Variants in CEP78 observed in about 807,000 individuals in gnomAD.
CEP78 encodes centrosomal protein 78, also known as centrosomal protein of 78 kDa.
In CEP78, 76 loss-of-function variants were observed where a neutral mutation model predicts 81.2. That is an observed-to-expected ratio of 0.94 (90% confidence interval 0.78 to 1.13). The LOEUF (loss-of-function observed/expected upper bound fraction) is 1.13, where lower values mean the gene tolerates loss of function less well. CEP78 is among the 50% of genes most tolerant of loss of function. CEP78 has a pLI of 0.00. For missense variants in CEP78, 918 were observed against 846.8 expected (o/e 1.08, Z -1.04); for synonymous variants, 293 against 301.4 (o/e 0.97, Z 0.29).
chr9:78,256,269 A>G (rs541524649), intron 11 of CEP78, among the ~76,000 whole-genome samples: 1 of 152,330 alleles, frequency 6.6e-6, no homozygotes, highest in Non-Finnish European at 1.5e-5. Context: ...AGGGAGCTAG[A>G]AATGTGACTA....
At chr9:78,261,131 A>G (rs1464634140) in intron 11 of CEP78, among the ~76,000 whole-genome samples, 1 of 151,970 alleles carries the variant, frequency 6.6e-6, no homozygotes, top group African/African-American at 2.4e-5. Flanking sequence ...TTATATTTTT[A>G]GTAGAGACGG....
rs967636930 is a variant in CEP78, at chr9:78,246,649, C to A, written c.779-20C>A. The A allele has an allele frequency of 1.1e-5, 16 of 1,475,964 alleles. No homozygotes were observed. The Admixed American group carries it at 1.8e-4, about 17-fold the overall frequency. The allele number at this position is 1,475,964 out of a possible 1,614,324, so 91.4% of individuals were successfully genotyped here. ...AATCTGTATAGAATTAGCAAGTGAC[C>A]CTTTGTCTTTCATCGAAAGCTCTTG... On this transcript the variant is annotated intron_variant, in intron 5 of 16. Coordinates refer to ENST00000643273, the MANE Select transcript of CEP78 (RefSeq NM_001330691.3).
chr9:78,238,063 C>A (rs566268801), intron 1 of CEP78, among the ~76,000 whole-genome samples: 3 of 149,354 alleles, frequency 2.0e-5, no homozygotes, highest in African/African-American at 4.9e-5. Flanking sequence ...AGGTGGAGGT[C>A]GCAGTGAGCT....
chr9:78,253,249 A>G lies in CEP78; in HGVS notation c.1223A>G (p.Lys408Arg). The G allele has an allele frequency of 7.2e-7, 1 of 1,387,978 alleles. No individual in the cohort carries two copies. 86.0% of individuals were successfully genotyped at this position (1,387,978 alleles called of 1,614,324 possible). Residue 408 changes from lysine to arginine, a missense_variant, in exon 10 of 17, where the codon AAA (lysine) becomes AGA (arginine). Lys to Arg is a conservative substitution (Grantham distance 26). Transcript: ENST00000643273. ...CTTTTTAGGGGTTTCCCATTAATCA[A>G]AACACGTGATATATGTAATCAGTTG... is the stretch of plus-strand genomic sequence containing the variant. ...AKRHRGFPLI[K>R]TRDICNQLQQ... is the part of the protein sequence containing the mutation.
rs532431800 is a variant in CEP78, at chr9:78,251,564, C to T, written c.1070-344C>T. On this transcript the variant is annotated intron_variant, in intron 8 of 16. Coordinates refer to ENST00000643273, the MANE Select transcript of CEP78 (RefSeq NM_001330691.3). ...GCATAATGCATAATGAAATGTATCA[C>T]GTATAATCTTTCATTCTTTGGGTTA... is the stretch of plus-strand genomic sequence containing the variant. 7.2e-5 allele frequency among the ~76,000 whole-genome samples: 11 copies of T among 152,014 alleles called. No individual in the cohort carries two copies. In the South Asian group the frequency reaches 1.7e-3, roughly 23 times the overall value.
chr9:78,246,368 G>C (rs180671619), intron 5 of CEP78, among the ~76,000 whole-genome samples: 195 of 152,290 alleles, frequency 1.3e-3, no homozygotes, highest in African/African-American at 4.4e-3. Context: ...GGGAGGCCGA[G>C]GTGGGCAGAT....
At chr9:78,269,423 A>G (rs756593614) in intron 16 of CEP78, among the ~76,000 whole-genome samples, 6 of 152,244 alleles carry the variant, frequency 3.9e-5, no homozygotes, top group Non-Finnish European at 8.8e-5. Flanking sequence ...ATATGAAGAC[A>G]TGGAAATAAA....
intron 10 of CEP78, 27 bp downstream of exon 10, chr9:78,253,304 G>A: frequency 9.5e-7 from 1 of 1,057,246 alleles, no homozygotes; most frequent in Non-Finnish European, 1.5e-6. Flanking sequence ...TTTATAATAT[G>A]TAGGGGATTG....
chr9:78,254,749 A>G (rs1826932465), intron 10 of CEP78, 87 bp from the exon 11 acceptor site: 1 of 1,067,768 alleles, frequency 9.4e-7, no homozygotes, highest in Non-Finnish European at 1.4e-6. Flanking sequence ...ATGACTTAAC[A>G]CTTCAGAAAG....
intron 16 of CEP78, among the ~76,000 whole-genome samples, chr9:78,269,372 C>T (rs1827641963): frequency 6.6e-6 from 1 of 152,070 alleles, no homozygotes; most frequent in Non-Finnish European, 1.5e-5. Context: ...ACATCACCTG[C>T]AGATTTCAGG....
At chr9:78,261,234 T>C (rs1467896987) in intron 11 of CEP78, among the ~76,000 whole-genome samples, 1 of 152,046 alleles carries the variant, frequency 6.6e-6, no homozygotes, top group East Asian at 1.9e-4. Context: ...GCCACCGTGC[T>C]CAGCCAGAAT....
intron 1 of CEP78, among the ~76,000 whole-genome samples, chr9:78,239,097 C>T (rs139776415): frequency 2.6e-3 from 388 of 151,830 alleles, no homozygotes; most frequent in African/African-American, 9.1e-3. Flanking sequence ...ATATTTTGCA[C>T]TGAATGTAAG....
chr9:78,243,980 T>A (rs1010729548), intron 5 of CEP78, among the ~76,000 whole-genome samples: 7 of 152,094 alleles, frequency 4.6e-5, no homozygotes, highest in African/African-American at 1.7e-4. Flanking sequence ...CTGCTTTTTT[T>A]ATTTAATGAT....
In CEP78 at chr9:78,265,951, A is replaced by C. The variant is rs114943527; in HGVS notation, c.1845+45A>C. ...TAATTTTTCAGAATAAGTAATTCATATATAACAGGCAGTATATTATAGGCA... is the reference window on the plus strand; with the variant it reads ...TAATTTTTCAGAATAAGTAATTCATCTATAACAGGCAGTATATTATAGGCA... On this transcript the variant is annotated intron_variant, in intron 15 of 16. Coordinates refer to ENST00000643273, the MANE Select transcript of CEP78 (RefSeq NM_001330691.3). The C allele has an allele frequency of 5.9e-3, 5,440 of 925,866 alleles. 190 individuals are homozygous for C. In the African/African-American group the frequency reaches 0.075, roughly 13 times the overall value. 57.4% of individuals were successfully genotyped at this position (925,866 alleles called of 1,614,324 possible). A position where few individuals can be genotyped will look rare whatever the true frequency, so the allele number is the denominator to read the frequency against.
chr9:78,244,134 CTTTTTTTTTTTT>C (rs971743733), intron 5 of CEP78, among the ~76,000 whole-genome samples: 3 of 110,776 alleles, frequency 2.7e-5, no homozygotes, highest in Admixed American at 9.3e-5. Flanking sequence ...ATTGAAGTTA[CTTTTTTTTTTTT>C]TTTTTTTTTT....
intron 1 of CEP78, among the ~76,000 whole-genome samples, chr9:78,237,700 A>T (rs1826021579): frequency 6.6e-6 from 1 of 152,290 alleles, no homozygotes; most frequent in East Asian, 1.9e-4. Context: ...CCGCTGTAGG[A>T]TGATGAGATG....
chr9:78,257,592 AAT>A (rs2118379505), intron 11 of CEP78, among the ~76,000 whole-genome samples: 1 of 152,162 alleles, frequency 6.6e-6, no homozygotes, highest in South Asian at 2.1e-4. Context: ...GCACTGTTAG[AAT>A]GAGGGAGGGG....
At chr9:78,264,635 G>T (rs1302619568) in intron 13 of CEP78, among the ~76,000 whole-genome samples, 6 of 131,664 alleles carry the variant, frequency 4.6e-5, no homozygotes, top group African/African-American at 1.7e-4. Flanking sequence ...CATAGCAAGA[G>T]CCCATCTCTT....
In CEP78 at chr9:78,248,846, C is replaced by A; in HGVS notation, c.1042C>A (p.His348Asn). ...KRRTIILGSG[H>N]KGKATIRIGL... is the part of the protein sequence containing the mutation. ...GAGAACTATAATTCTAGGAAGTGGT[C>A]ACAAAGGAAAAGCTACTATTAGAAT... The change falls in exon 8 of 17, where the codon CAC (histidine) becomes AAC (asparagine). Residue 348 changes from histidine to asparagine, a missense_variant. Physicochemically the swap from His to Asn is moderately conservative, Grantham distance 68. Transcript: ENST00000643273. 1.9e-6 allele frequency: 3 copies of A among 1,591,408 alleles called. No homozygotes were observed. In the South Asian group the frequency reaches 3.4e-5, roughly 18 times the overall value.
Sources: allele counts gnomAD v4.1 joint callset (sites outside exome capture counted in the v4.1 genomes callset), GRCh38; gene constraint gnomAD v4.1.1; transcripts MANE v1.5; gene names NCBI Gene and HGNC (gene_info 2026-07-23, HGNC 2026-07-21).